TSEN15: variants seen among roughly 807,000 people sequenced by gnomAD.
TSEN15 encodes the protein tRNA splicing endonuclease subunit 15, also known as tRNA-splicing endonuclease subunit Sen15.
A neutral mutation model predicts 20.5 loss-of-function variants in TSEN15; 10 were observed. The ratio of observed to expected loss-of-function variants is 0.49; its 90% CI spans 0.30 to 0.83. The LOEUF is 0.83. TSEN15 is among the 40% of genes least tolerant of loss of function. TSEN15 has a pLI of 0.06. For missense variants in TSEN15, 180 were observed against 218.6 expected (o/e 0.82, Z 1.11); for synonymous variants, 72 against 80.1 (o/e 0.90, Z 0.54).
chr1:184,078,604 T>A (rs1160851628), downstream of TSEN15, among the ~76,000 whole-genome samples: 1 of 152,026 alleles, frequency 6.6e-6, no homozygotes, highest in Non-Finnish European at 1.5e-5. Context: ...CTAAGCTAGG[T>A]CCTATGGCTC....
chr1:184,091,920 G>T (rs1243675981), intron 3 of TSEN15, among the ~76,000 whole-genome samples: 1 of 152,200 alleles, frequency 6.6e-6, no homozygotes, highest in Non-Finnish European at 1.5e-5. Context: ...GCACTTTGAA[G>T]TGGAGGTTAA....
chr1:184,073,454 A>C lies in TSEN15; in HGVS notation c.*607A>C, dbSNP rs925579391. On this transcript the variant is annotated 3_prime_UTR_variant, in exon 5 of 5. Coordinates refer to ENST00000645668, the MANE Select transcript of TSEN15 (RefSeq NM_052965.4). ...TGTCTTAAGTAACTTACGTGTCTTA[A>C]GTAACAGGGACCAGAGACATGTTAC... The C allele has an allele frequency of 6.6e-6, 1 of 152,642 alleles. No homozygotes were observed. The highest frequency in any genetic ancestry group is 1.5e-5 in the Non-Finnish European group (1 of 68,072). 9.5% of individuals were successfully genotyped at this position (152,642 alleles called of 1,614,324 possible).
At chr1:184,066,450 T>G (rs1005251424) in intron 3 of TSEN15, among the ~76,000 whole-genome samples, 6 of 152,174 alleles carry the variant, frequency 3.9e-5, no homozygotes, top group Admixed American at 3.9e-4. Flanking sequence ...TTGCCCAAGT[T>G]GGAGTGGAGT....
intron 3 of TSEN15, among the ~76,000 whole-genome samples, chr1:184,056,896 T>C (rs1044402037): frequency 2.6e-5 from 4 of 152,182 alleles, no homozygotes; most frequent in Non-Finnish European, 5.9e-5. Context: ...GTAAGAAGTC[T>C]TGGTATCTGG....
At chr1:184,052,722 C>G (rs1281122630) in intron 1 of TSEN15, among the ~76,000 whole-genome samples, 1 of 152,134 alleles carries the variant, frequency 6.6e-6, no homozygotes, top group Admixed American at 6.5e-5. Context: ...TATCTTCCTA[C>G]TCTGTCCCCT....
intron 3 of TSEN15, among the ~76,000 whole-genome samples, chr1:184,082,841 G>C (rs1029459829): frequency 6.6e-6 from 1 of 152,030 alleles, no homozygotes; most frequent in Admixed American, 6.6e-5. Context: ...TGCTCTTTTT[G>C]TTCTGTAGCA....
At position 184,072,812 on chromosome 1, in the gene TSEN15, C is replaced by CTT; in HGVS notation, c.496-6_496-5dup. On this transcript the variant is annotated splice_polypyrimidine_tract_variant and intron_variant, in intron 4 of 4. Transcript: ENST00000645668. ...TTATCGGAGAAAAGTCCATCCTGAT[C>CTT]TTTTTTTTTTCCAGAATATTTCTCT... is the stretch of plus-strand genomic sequence containing the variant. The CTT allele has an allele frequency of 1.5e-5, 22 of 1,432,750 alleles. No homozygotes were observed. Among genetic ancestry groups the CTT allele is most frequent in the Admixed American group, 3.9e-5 (2 of 51,746 alleles). The allele number at this position is 1,432,750 out of a possible 1,614,324, so 88.8% of individuals were successfully genotyped here.
At chr1:184,055,975 T>G (rs1340017527) in intron 3 of TSEN15, among the ~76,000 whole-genome samples, 9 of 151,664 alleles carry the variant, frequency 5.9e-5, no homozygotes, top group South Asian at 2.1e-4. Flanking sequence ...TTTTTAACTT[T>G]AATTAAAAAA....
chr1:184,060,933 T>C (rs1234868209), intron 3 of TSEN15, among the ~76,000 whole-genome samples: 1 of 152,222 alleles, frequency 6.6e-6, no homozygotes, highest in East Asian at 1.9e-4. Flanking sequence ...TAATTATAAC[T>C]AAGTCAAGAA....
chr1:184,089,687 A>G (rs576329640), intron 3 of TSEN15, among the ~76,000 whole-genome samples: 1 of 152,224 alleles, frequency 6.6e-6, no homozygotes, highest in East Asian at 1.9e-4. Flanking sequence ...AGCATGCGGA[A>G]AAAACAGTCA....
chr1:184,073,002 C>A lies in TSEN15; in HGVS notation c.*155C>A. 1 of 668,832 alleles carries A rather than the reference C, an allele frequency of 1.5e-6. No individual in the cohort carries two copies. The highest frequency in any genetic ancestry group is 2.1e-5 in the South Asian group (1 of 47,260). 41.4% of individuals were successfully genotyped at this position (668,832 alleles called of 1,614,324 possible). A position where few individuals can be genotyped will look rare whatever the true frequency, so the allele number is the denominator to read the frequency against. Reference sequence around the variant, plus strand: ...TTTTCATTCTGAAGAGTAAAACTTCCCCAGGTAGAAGACTTTCTCCTTCTT... The same window carrying A: ...TTTTCATTCTGAAGAGTAAAACTTCACCAGGTAGAAGACTTTCTCCTTCTT... On this transcript the variant is annotated 3_prime_UTR_variant, in exon 5 of 5. Coordinates refer to ENST00000645668, the MANE Select transcript of TSEN15 (RefSeq NM_052965.4).
At chr1:184,059,253 C>T (rs1449230055) in intron 3 of TSEN15, among the ~76,000 whole-genome samples, 1 of 151,992 alleles carries the variant, frequency 6.6e-6, no homozygotes, top group Non-Finnish European at 1.5e-5. Flanking sequence ...TCTCTTTAGC[C>T]AGTAAGAGAC....
chr1:184,054,547 T>G (rs986898020), intron 2 of TSEN15, 112 bp downstream of exon 2: 2 of 1,190,750 alleles, frequency 1.7e-6, no homozygotes, highest in Admixed American at 2.2e-5. Flanking sequence ...GCATTTGCTG[T>G]TAATTTTGCA....
rs1464643646 is a variant in TSEN15 at position 184,073,508 on chromosome 1, T to A, written c.*661T>A. 1 of 152,612 alleles carries A rather than the reference T, an allele frequency of 6.6e-6. No homozygotes were observed. The highest frequency in any genetic ancestry group is 2.4e-5 in the African/African-American group (1 of 41,458). The allele number at this position is 152,612 out of a possible 1,614,324, so 9.5% of individuals were successfully genotyped here. ...CAAGAGTTCTGGGCTATCCTTTTCA[T>A]TCTTATCACATATCATAGCTTGAAT... is the stretch of plus-strand genomic sequence containing the variant. On this transcript the variant is annotated 3_prime_UTR_variant, in exon 5 of 5. Transcript: ENST00000645668.
intron 3 of TSEN15, among the ~76,000 whole-genome samples, chr1:184,064,072 A>T (rs562413740): frequency 6.6e-6 from 1 of 152,212 alleles, no homozygotes; most frequent in African/African-American, 2.4e-5. Context: ...GGTGCAAAAT[A>T]TTATGGACTT....
rs942541352 is a variant in TSEN15 at position 184,073,756 on chromosome 1, T to C, written c.*909T>C. ...TCTATAAAGGGCCAGAAAGTAACTATTTTAGGTTTTTAAACCTACTGTCTC... is the reference window on the plus strand; with the variant it reads ...TCTATAAAGGGCCAGAAAGTAACTACTTTAGGTTTTTAAACCTACTGTCTC... On this transcript the variant is annotated 3_prime_UTR_variant, in exon 5 of 5. Transcript: ENST00000645668. 1.3e-5 allele frequency: 2 copies of C among 152,414 alleles called. No homozygotes were observed. The highest frequency in any genetic ancestry group is 4.8e-5 in the African/African-American group (2 of 41,448). 9.4% of individuals were successfully genotyped at this position (152,414 alleles called of 1,614,324 possible).
At chr1:184,091,535 T>A (rs934523911) in intron 3 of TSEN15, among the ~76,000 whole-genome samples, 12 of 152,260 alleles carry the variant, frequency 7.9e-5, no homozygotes, top group African/African-American at 2.6e-4. Context: ...TTAGCTGTAG[T>A]GGCAGAGACA....
chr1:184,088,321 G>A (rs761691723), intron 3 of TSEN15, among the ~76,000 whole-genome samples: 4 of 152,086 alleles, frequency 2.6e-5, no homozygotes, highest in Non-Finnish European at 5.9e-5. Flanking sequence ...ATAAAGCATC[G>A]GACGTTAAAA....
intron 3 of TSEN15, chr1:184,095,528 A>C (rs1295883572): frequency 7.6e-6 from 3 of 392,952 alleles, no homozygotes; most frequent in Non-Finnish European, 1.3e-5. Flanking sequence ...GGAGGTAATC[A>C]AATTAACAGA....
Sources: allele counts gnomAD v4.1 joint callset (sites outside exome capture counted in the v4.1 genomes callset), GRCh38; gene constraint gnomAD v4.1.1; transcripts MANE v1.5; gene names NCBI Gene and HGNC (gene_info 2026-07-23, HGNC 2026-07-21).